The following FSTL4 variants were observed in gnomAD, a reference collection of about 807,000 sequenced individuals.
FSTL4 encodes the protein follistatin like 4, also known as follistatin-related protein 4.
Under a neutral mutation model 78.2 loss-of-function variants are expected in FSTL4, and 28 were observed. The observed-to-expected ratio is 0.36, with a 90% confidence interval of 0.27 to 0.49. The LOEUF (loss-of-function observed/expected upper bound fraction) is 0.49. Among genes scored for constraint, FSTL4 ranks in the 20% least tolerant of loss-of-function variants. The probability of loss-of-function intolerance (pLI) is 0.98; values close to 1 mark genes in which losing one functional copy is unlikely to be tolerated. For missense variants in FSTL4, 922 were observed against 1,084.9 expected, an observed-to-expected ratio of 0.85 and a Z score of 2.11; for synonymous variants, 422 against 440.5, an observed-to-expected ratio of 0.96 and a Z score of 0.53.
At chr5:133,438,983 A>C (rs1757093722) in intron 3 of FSTL4, among the ~76,000 whole-genome samples, 1 of 152,252 alleles carries the variant, frequency 6.6e-6, no homozygotes, top group South Asian at 2.1e-4. Context: ...GGTGGAAGTC[A>C]GTGTAGGTAA....
chr5:133,723,181 G>C, the FSTL4 span, among the ~76,000 whole-genome samples: 1 of 152,156 alleles, frequency 6.6e-6, no homozygotes, highest in Admixed American at 6.5e-5. Context: ...AGGCACAAGT[G>C]GATACAGTTC....
At chr5:133,511,457 C>T (rs1758729417) in intron 3 of FSTL4, among the ~76,000 whole-genome samples, 1 of 152,042 alleles carries the variant, frequency 6.6e-6, no homozygotes, top group African/African-American at 2.4e-5. Flanking sequence ...GACCGCAGAC[C>T]CAACTGAATA....
intron 13 of FSTL4, among the ~76,000 whole-genome samples, chr5:133,212,068 C>T (rs1288187914): frequency 6.6e-6 from 1 of 152,178 alleles, no homozygotes; most frequent in African/African-American, 2.4e-5. Flanking sequence ...TTGTAGCCTC[C>T]AGCTACCTGT....
intron 6 of FSTL4, among the ~76,000 whole-genome samples, chr5:133,268,923 T>C (rs562975005): frequency 2.3e-4 from 35 of 152,278 alleles, no homozygotes; most frequent in African/African-American, 8.4e-4. Flanking sequence ...GGCTCGTGCC[T>C]GTAATCCCAG....
At chr5:133,202,625 C>G (rs1275978287) in intron 14 of FSTL4, 1 of 152,384 alleles carries the variant, frequency 6.6e-6, no homozygotes, top group Non-Finnish European at 1.5e-5. Context: ...GGTGCGACTC[C>G]AGGACTGATG....
At chr5:133,551,558 C>T (rs1181599577) in intron 3 of FSTL4, among the ~76,000 whole-genome samples, 1 of 152,206 alleles carries the variant, frequency 6.6e-6, no homozygotes, top group Non-Finnish European at 1.5e-5. Context: ...GTTAGCCATG[C>T]TCATGCTCCG....
chr5:133,294,880 T>C (rs938548976), intron 6 of FSTL4, among the ~76,000 whole-genome samples: 1 of 152,162 alleles, frequency 6.6e-6, no homozygotes, highest in African/African-American at 2.4e-5. Context: ...AATGATACTG[T>C]TGCACACACT....
chr5:133,242,984 T>G (rs780403823), intron 7 of FSTL4, among the ~76,000 whole-genome samples: 3 of 152,230 alleles, frequency 2.0e-5, no homozygotes, highest in Non-Finnish European at 2.9e-5. Flanking sequence ...AAATGAGTCA[T>G]GAGCTCCTAA....
At chr5:133,525,572 G>C (rs1047499748) in intron 3 of FSTL4, among the ~76,000 whole-genome samples, 2 of 152,224 alleles carry the variant, frequency 1.3e-5, no homozygotes, top group African/African-American at 4.8e-5. Flanking sequence ...ACTGGCAAAT[G>C]ATCATCAGAA....
At chr5:133,770,186 C>T in the FSTL4 span, among the ~76,000 whole-genome samples, 1 of 152,010 alleles carries the variant, frequency 6.6e-6, no homozygotes. Context: ...AATAGTGTTA[C>T]AATAAACATA....
At chr5:133,248,085 A>G (rs1561642173) in intron 7 of FSTL4, 1 of 152,218 alleles carries the variant, frequency 6.6e-6, no homozygotes, top group Admixed American at 6.5e-5. Context: ...CTGAGCTTGC[A>G]TATGCCCCTT....
chr5:133,800,153 T>C, the FSTL4 span, among the ~76,000 whole-genome samples: 2 of 138,738 alleles, frequency 1.4e-5, no homozygotes, highest in East Asian at 3.9e-4. Flanking sequence ...GAAAGGAGTT[T>C]ACAAAACAGG....
chr5:133,289,346 C>T (rs541897351), intron 6 of FSTL4, among the ~76,000 whole-genome samples: 144 of 152,302 alleles, frequency 9.5e-4, no homozygotes, highest in African/African-American at 3.4e-3. Context: ...CAAATATATC[C>T]CACCTTCATT....
chr5:133,283,001 C>T (rs1293021268), intron 6 of FSTL4, among the ~76,000 whole-genome samples: 1 of 152,158 alleles, frequency 6.6e-6, no homozygotes, highest in Non-Finnish European at 1.5e-5. Flanking sequence ...AGCAGAGGGG[C>T]ATGGAATGTC....
intron 3 of FSTL4, among the ~76,000 whole-genome samples, chr5:133,485,000 A>T (rs1758103366): frequency 6.6e-6 from 1 of 152,224 alleles, no homozygotes; most frequent in African/African-American, 2.4e-5. Flanking sequence ...TTGAAGGGTA[A>T]CTTCAGCCAA....
At chr5:133,609,380 G>A (rs1041886239) in intron 1 of FSTL4, among the ~76,000 whole-genome samples, 10 of 152,068 alleles carry the variant, frequency 6.6e-5, no homozygotes, top group African/African-American at 1.7e-4. Context: ...TGAATACAAC[G>A]TGGAATTCTC....
At position 133,272,167 on chromosome 5, in the gene FSTL4, G is replaced by A. The variant is rs1752781354; in HGVS notation, c.728-22591C>T. Among the ~76,000 whole-genome samples, 2 of 152,222 alleles carry A rather than the reference G, an allele frequency of 1.3e-5. 1 individual carries two copies. Among genetic ancestry groups the A allele is most frequent in the South Asian group, 4.1e-4 (2 of 4,838 alleles). On this transcript the variant is annotated intron_variant, in intron 6 of 15. Transcript: ENST00000265342. ...AATGTCAATTCCTACAATCAGAAAG[G>A]AAGCCAGAATTCTATTAATTTTTGC...
intron 3 of FSTL4, among the ~76,000 whole-genome samples, chr5:133,475,133 C>A (rs1014040107): frequency 2.6e-5 from 4 of 152,202 alleles, no homozygotes; most frequent in African/African-American, 9.7e-5. Flanking sequence ...GGGAGCTGGA[C>A]GTCCGTCACA....
rs1581544990 is a variant in FSTL4 at position 133,225,843 on chromosome 5, T to C, written c.1016-24A>G. On this transcript the variant is annotated intron_variant, in intron 8 of 15. Coordinates refer to ENST00000265342, the MANE Select transcript of FSTL4 (RefSeq NM_015082.2). This position sits in a 1 kb window ranked among gnomAD's most constrained non-coding sequence, Gnocchi z 4.6. ...CACTGTGGGTGAGAGTCAGTGCTGG[T>C]GAGAAAGAGACGGCCCTGACCTGGA... The C allele has an allele frequency of 6.6e-7, 1 of 1,517,604 alleles. No individual in the cohort carries two copies. The highest frequency in any genetic ancestry group is 1.4e-5 in the African/African-American group (1 of 72,062). 94.0% of individuals were successfully genotyped at this position (1,517,604 alleles called of 1,614,324 possible). A position where few individuals can be genotyped will look rare whatever the true frequency, so the allele number is the denominator to read the frequency against.
Sources: allele counts gnomAD v4.1 joint callset (sites outside exome capture counted in the v4.1 genomes callset), GRCh38; gene constraint gnomAD v4.1.1; non-coding constraint Gnocchi (gnomAD v3.1); transcripts MANE v1.5; gene names NCBI Gene and HGNC (gene_info 2026-07-23, HGNC 2026-07-21).